Variants in RYR2 observed in about 807,000 individuals in gnomAD.
RYR2 encodes cardiac muscle ryanodine receptor-calcium release channel.
Under a neutral mutation model 601.1 loss-of-function variants are expected in RYR2, and 227 were observed. The observed-to-expected ratio is 0.38, with a 90% CI of 0.34 to 0.42. RYR2 has a LOEUF of 0.42. RYR2 is among the 10% of genes least tolerant of loss of function. RYR2 has a pLI of 1.00. For synonymous variants in RYR2, 2,223 were observed against 2,175.1 expected (o/e 1.02, Z -0.61); for missense variants, 4,646 against 6,156.5 (o/e 0.75, Z 8.21).
rs1465311041 is a variant in RYR2 at position 237,590,852 on chromosome 1, TTC to T, written c.4022_4023del (p.Ser1341Ter). On this transcript the variant is annotated frameshift_variant, in exon 31 of 105. Coordinates refer to ENST00000366574, the MANE Select transcript of RYR2 (RefSeq NM_001035.3). LOFTEE classifies it high-confidence loss of function. ...KNDLEDYDAD[S>X]DFEVLMKTAH... ...ATGACTTGGAAGATTATGATGCTGATTCTGACTTTGAGGTTCTGATGAAGACA... is the reference window on the plus strand; with the variant it reads ...ATGACTTGGAAGATTATGATGCTGATTGACTTTGAGGTTCTGATGAAGACA... 1 of 1,613,668 alleles carries T rather than the reference TTC, an allele frequency of 6.2e-7. No homozygotes were observed. Among genetic ancestry groups the T allele is most frequent in the African/African-American group, 1.3e-5 (1 of 74,880 alleles).
At position 237,147,080 on chromosome 1, in the gene RYR2, T is replaced by C. The variant is rs572118315; in HGVS notation, c.48+104511T>C. On this transcript the variant is annotated intron_variant, in intron 1 of 104. Coordinates refer to ENST00000366574, the MANE Select transcript of RYR2 (RefSeq NM_001035.3). ...TTCAGGGTCAATCAGACAATAGATA[T>C]CTCATTATCTATTGAAAATATAGAT... is the stretch of plus-strand genomic sequence containing the variant. 1.1e-4 allele frequency among the ~76,000 whole-genome samples: 17 copies of C among 152,264 alleles called. No individual in the cohort carries two copies. In the South Asian group the frequency reaches 3.1e-3, roughly 28 times the overall value.
chr1:237,679,249 G>A (rs981564406), intron 61 of RYR2, among the ~76,000 whole-genome samples: 15 of 152,200 alleles, frequency 9.9e-5, no homozygotes, highest in South Asian at 4.1e-4. Context: ...TGTGTTGCCC[G>A]TATACTCAGC....
chr1:237,739,197 G>A (rs1374960754), intron 79 of RYR2, among the ~76,000 whole-genome samples: 3 of 152,122 alleles, frequency 2.0e-5, no homozygotes, highest in Non-Finnish European at 4.4e-5. Context: ...CCATACTTTG[G>A]TGATAATTTG....
chr1:237,269,253 G>T (rs1047542854), intron 1 of RYR2, among the ~76,000 whole-genome samples: 38 of 151,678 alleles, frequency 2.5e-4, no homozygotes, highest in Non-Finnish European at 5.2e-4. Context: ...ATGTTGGTCA[G>T]GCTGGTCTCG....
rs2148872803 is a variant in RYR2, at chr1:237,666,550, C to A, written c.8475C>A (p.Ala2825=). 6.2e-7 allele frequency: 1 copy of A among 1,612,582 alleles called. No homozygotes were observed. The highest frequency in any genetic ancestry group is 8.5e-7 in the Non-Finnish European group (1 of 1,179,338). Residue 2825 remains alanine, a synonymous_variant, in exon 57 of 105, where the codon GCC becomes GCA. Transcript: ENST00000366574. ...VDAAHGYSPR[A]IDMSNVTLSR... Reference sequence around the variant, plus strand: ...CTGCCCATGGTTACAGTCCCCGGGCCATTGACATGAGCAATGTTACACTAT... The same window carrying A: ...CTGCCCATGGTTACAGTCCCCGGGCAATTGACATGAGCAATGTTACACTAT...
At chr1:237,647,096 G>A (rs570023170) in intron 48 of RYR2, among the ~76,000 whole-genome samples, 1 of 152,188 alleles carries the variant, frequency 6.6e-6, no homozygotes, top group African/African-American at 2.4e-5. Context: ...TTTTTAATGC[G>A]ATTTTTAGGA....
chr1:237,354,398 GATA>G (rs1402818610), intron 3 of RYR2, among the ~76,000 whole-genome samples: 1 of 151,920 alleles, frequency 6.6e-6, no homozygotes, highest in Non-Finnish European at 1.5e-5. Context: ...AAGTGAACCT[GATA>G]ATGGCAAAAT....
At position 237,180,642 on chromosome 1, in the gene RYR2, A is replaced by ATT. The variant is rs1678611985; in HGVS notation, c.49-89854_49-89853insTT. Among the ~76,000 whole-genome samples the ATT allele has an allele frequency of 1.3e-5, 1 of 76,668 alleles. No homozygotes were observed. Among genetic ancestry groups the ATT allele is most frequent in the South Asian group, 4.2e-4 (1 of 2,406 alleles). 50.3% of individuals were successfully genotyped at this position (76,668 alleles called of 152,430 possible). ...TATATATGTATATGTGTATATATGT[A>ATT]TATGTATATGTGTATATATGTATAC... On this transcript the variant is annotated intron_variant, in intron 1 of 104. Coordinates refer to ENST00000366574, the MANE Select transcript of RYR2 (RefSeq NM_001035.3). The surrounding 1 kb of genome is among the most constrained non-coding windows in gnomAD (Gnocchi z 5.3).
At chr1:237,557,019 G>A (rs750043232) in intron 27 of RYR2, among the ~76,000 whole-genome samples, 3 of 151,376 alleles carry the variant, frequency 2.0e-5, no homozygotes, top group Non-Finnish European at 4.4e-5. Context: ...TTGCTATTAA[G>A]TTGGCCAGGG....
chr1:237,417,844 C>T (rs911779962), intron 11 of RYR2, among the ~76,000 whole-genome samples: 4 of 151,786 alleles, frequency 2.6e-5, no homozygotes, highest in Non-Finnish European at 4.4e-5. Context: ...AAAAATAATT[C>T]GAAGCTTTAG....
At chr1:237,437,105 C>A (rs1380831976) in intron 12 of RYR2, among the ~76,000 whole-genome samples, 1 of 151,566 alleles carries the variant, frequency 6.6e-6, no homozygotes, top group African/African-American at 2.4e-5. Context: ...AGTGCACTGG[C>A]GCAATCTCGG....
chr1:237,510,391 A>AT (rs1343834290), intron 23 of RYR2, among the ~76,000 whole-genome samples: 2 of 152,182 alleles, frequency 1.3e-5, no homozygotes, highest in African/African-American at 4.8e-5. Context: ...TAGGGAGATT[A>AT]TTTGTGGGTT....
intron 1 of RYR2, among the ~76,000 whole-genome samples, chr1:237,115,264 C>T (rs1239314641): frequency 1.3e-5 from 2 of 151,918 alleles, no homozygotes; most frequent in African/African-American, 2.4e-5. Flanking sequence ...GGCCAGTTGG[C>T]AGCCCCTGCT....
Position 237,728,414 on chromosome 1 carries a change from C to T in RYR2, c.10838+1215C>T, listed in dbSNP as rs577096084. On this transcript the variant is annotated intron_variant, in intron 76 of 104. Transcript: ENST00000366574. ...TCTAGAACCAGAAATACCATTTAAC[C>T]CAGCAATCCCATGACTGGGTATATA... Among the ~76,000 whole-genome samples the T allele has an allele frequency of 1.3e-4, 20 of 152,064 alleles. No homozygotes were observed. The South Asian group carries it at 3.7e-3, about 28-fold the overall frequency.
At chr1:237,648,227 A>G (rs1682370136) in intron 48 of RYR2, among the ~76,000 whole-genome samples, 1 of 152,186 alleles carries the variant, frequency 6.6e-6, no homozygotes, top group Non-Finnish European at 1.5e-5. Context: ...TGCAGTTAAC[A>G]AGTGGATGCC....
chr1:237,527,795 GCTGTC>G (rs916693311), intron 24 of RYR2, among the ~76,000 whole-genome samples: 2 of 123,670 alleles, frequency 1.6e-5, no homozygotes, highest in African/African-American at 5.6e-5. Flanking sequence ...GACTGTAAAC[GCTGTC>G]AAGAGAAACA....
chr1:237,062,096 G>A (rs1456672166), intron 1 of RYR2, among the ~76,000 whole-genome samples: 1 of 152,092 alleles, frequency 6.6e-6, no homozygotes, highest in Non-Finnish European at 1.5e-5. Flanking sequence ...TGGTCTATTT[G>A]TCTTTTCTTG....
At chr1:237,255,424 T>C (rs1316147728) in intron 1 of RYR2, among the ~76,000 whole-genome samples, 8 of 152,250 alleles carry the variant, frequency 5.3e-5, no homozygotes, top group Non-Finnish European at 1.0e-4. Context: ...CAAGCCATTT[T>C]AGGCTCTTCA....
chr1:237,671,833 C>T (rs1684974498), intron 58 of RYR2, among the ~76,000 whole-genome samples: 2 of 152,008 alleles, frequency 1.3e-5, no homozygotes, highest in Admixed American at 1.3e-4. Flanking sequence ...TTAGTGCCCC[C>T]AAATTAGTAA....
Sources: gnomAD v4.1 joint callset for allele counts (sites outside exome capture counted in the v4.1 genomes callset) on GRCh38, gnomAD v4.1.1 for gene constraint, Gnocchi (gnomAD v3.1) non-coding constraint, MANE v1.5 for transcripts, NCBI Gene and HGNC (gene_info 2026-07-23, HGNC 2026-07-21) for gene names.